The following FLI1 variants were observed in gnomAD, a reference collection of about 807,000 sequenced individuals.
The protein encoded by FLI1 is Friend leukemia integration 1 transcription factor.
A neutral mutation model predicts 53.1 loss-of-function variants in FLI1; 13 were observed. That is an observed-to-expected ratio of 0.24 (90% CI 0.16 to 0.39). FLI1 has a LOEUF of 0.39. Among genes scored for constraint, FLI1 ranks in the 10% least tolerant of loss-of-function variants. FLI1 has a pLI of 1.00. For synonymous variants in FLI1, 244 were observed against 236.7 expected (o/e 1.03, Z -0.28); for missense variants, 424 against 600.5 (o/e 0.71, Z 3.07).
At chr11:128,793,671 C>T (rs959373247) in intron 5 of FLI1, among the ~76,000 whole-genome samples, 2 of 152,260 alleles carry the variant, frequency 1.3e-5, no homozygotes, top group African/African-American at 4.8e-5. Flanking sequence ...TTTGGTCTTT[C>T]TGCTTATCAG....
chr11:128,788,463 T>C (rs903670909), intron 5 of FLI1, among the ~76,000 whole-genome samples: 1 of 152,042 alleles, frequency 6.6e-6, no homozygotes, highest in Non-Finnish European at 1.5e-5. Flanking sequence ...AGTGAGACTC[T>C]GTCTCAAAAA....
Position 128,741,583 on chromosome 11 carries a change from T to A in FLI1, c.19-16532T>A, listed in dbSNP as rs180674712. On this transcript the variant is annotated intron_variant, in intron 1 of 8. Transcript: ENST00000527786. ...GTGAGAGCCACAACAATGGAGAAAG[T>A]GCCACAGTCAAGCCTTTGTGTCCCC... 2.9e-4 allele frequency among the ~76,000 whole-genome samples: 44 copies of A among 152,272 alleles called. No individual in the cohort carries two copies. The South Asian group carries it at 9.1e-3, about 32-fold the overall frequency.
upstream of FLI1, among the ~76,000 whole-genome samples, chr11:128,689,721 C>T (rs1376044484): frequency 6.6e-6 from 1 of 152,220 alleles, no homozygotes; most frequent in African/African-American, 2.4e-5. Context: ...CGCCACTGGG[C>T]GAGGGTCTGG....
At chr11:128,785,174 G>C (rs1364116817) in intron 5 of FLI1, among the ~76,000 whole-genome samples, 1 of 152,018 alleles carries the variant, frequency 6.6e-6, no homozygotes, top group Non-Finnish European at 1.5e-5. Context: ...GATCCAGCTA[G>C]AGCAGTTATG....
intron 1 of FLI1, among the ~76,000 whole-genome samples, chr11:128,711,246 G>C (rs1938773456): frequency 6.6e-6 from 1 of 152,186 alleles, no homozygotes; most frequent in Non-Finnish European, 1.5e-5. Context: ...CATCATTCAA[G>C]TTAAAAACAT....
intron 1 of FLI1, among the ~76,000 whole-genome samples, chr11:128,749,418 G>A (rs1264264111): frequency 6.6e-6 from 1 of 152,184 alleles, no homozygotes; most frequent in Non-Finnish European, 1.5e-5. Context: ...TTCCTCTCCT[G>A]CGGGCCTCTC....
intron 4 of FLI1, 112 bp from the exon 5 acceptor site, chr11:128,781,846 C>A: frequency 1.2e-6 from 1 of 825,742 alleles, no homozygotes; most frequent in South Asian, 1.4e-5. Flanking sequence ...GTCCTCTGTC[C>A]CTCTTCCCCT....
intron 5 of FLI1, among the ~76,000 whole-genome samples, chr11:128,786,777 C>T (rs1942098756): frequency 6.6e-6 from 1 of 152,216 alleles, no homozygotes; most frequent in South Asian, 2.1e-4. Context: ...CATGCCTAAG[C>T]CCTCATTTCC....
rs541474242 is a variant in FLI1 at position 128,782,364 on chromosome 11, G to C, written c.655+341G>C. 1.3e-3 allele frequency among the ~76,000 whole-genome samples: 205 copies of C among 152,274 alleles called. 1 individual carries two copies. Among genetic ancestry groups the C allele is most frequent in the Non-Finnish European group, 2.0e-3 (138 of 68,016 alleles). ...AAAATAATGAAATGAAGAGTTCAAGGATTCCAGCATGTCTACCTTTAAAGG... is the reference window on the plus strand; with the variant it reads ...AAAATAATGAAATGAAGAGTTCAAGCATTCCAGCATGTCTACCTTTAAAGG... On this transcript the variant is annotated intron_variant, in intron 5 of 8. Transcript: ENST00000527786.
chr11:128,758,872 C>T (rs1296377641), intron 2 of FLI1, among the ~76,000 whole-genome samples: 1 of 152,160 alleles, frequency 6.6e-6, no homozygotes, highest in African/African-American at 2.4e-5. Flanking sequence ...TCGGGCTTTG[C>T]TTGTAGAAAT....
intron 1 of FLI1, among the ~76,000 whole-genome samples, chr11:128,719,118 C>T (rs761637014): frequency 2.6e-5 from 4 of 151,978 alleles, no homozygotes; most frequent in Non-Finnish European, 5.9e-5. Context: ...CTCACTACAC[C>T]CACAGTGGCC....
At position 128,770,686 on chromosome 11, in the gene FLI1, T is replaced by C. The variant is rs141484378; in HGVS notation, c.386-2096T>C. ...AAAATATATGGTGTAAAATTGAATT[T>C]GAGGCCTTGGATACTAAAAGTGAGG... On this transcript the variant is annotated intron_variant, in intron 3 of 8. Coordinates refer to ENST00000527786, the MANE Select transcript of FLI1 (RefSeq NM_002017.5). Among the ~76,000 whole-genome samples, 881 of 152,330 alleles carry C rather than the reference T, an allele frequency of 5.8e-3. 12 individuals carry two copies. The highest frequency in any genetic ancestry group is 0.02 in the African/African-American group (843 of 41,568).
At chr11:128,802,496 T>G (rs1232427756) in intron 5 of FLI1, among the ~76,000 whole-genome samples, 1 of 152,208 alleles carries the variant, frequency 6.6e-6, no homozygotes, top group Admixed American at 6.5e-5. Flanking sequence ...GACACCAGCT[T>G]AGGGCATGGC....
chr11:128,812,592 T>G lies in FLI1; in HGVS notation c.*1604T>G, dbSNP rs1364733303. 3.6e-5 allele frequency: 8 copies of G among 224,034 alleles called. No homozygotes were observed. The highest frequency in any genetic ancestry group is 1.1e-4 in the Admixed American group (2 of 17,460). 13.9% of individuals were successfully genotyped at this position (224,034 alleles called of 1,614,324 possible). ...TTGTTGTTGATGATGTTTGTAGTGT[T>G]TTTGTGTGTGTTATTTAAATCTTCC... On this transcript the variant is annotated 3_prime_UTR_variant, in exon 9 of 9. Coordinates refer to ENST00000527786, the MANE Select transcript of FLI1 (RefSeq NM_002017.5).
In FLI1 at chr11:128,775,923, G is replaced by A. The variant is rs561516468; in HGVS notation, c.589+2938G>A. Among the ~76,000 whole-genome samples the A allele has an allele frequency of 1.4e-4, 22 of 152,314 alleles. No individual in the cohort carries two copies. In the South Asian group the frequency reaches 2.5e-3, roughly 17 times the overall value. On this transcript the variant is annotated intron_variant, in intron 4 of 8. Transcript: ENST00000527786. ...GTTGATAGAGCAGAATCGGGGACCT[G>A]AGACTGTGGCTGGTTGGAAGTCAGT... is the stretch of plus-strand genomic sequence containing the variant.
In FLI1 at chr11:128,809,161, G is replaced by T. The variant is rs762785401; in HGVS notation, c.786G>T (p.Pro262=). The stretch of plus-strand genomic sequence containing the variant: ...TTTCCTTTTTTATTTCCTTAGATCC[G>T]TATCAGATCCTGGGCCCGACCAGCA... ...KNTEQRPQPD[P]YQILGPTSSR... Residue 262 remains proline (P), a synonymous_variant, in exon 8 of 9, where the codon CCG becomes CCT. Coordinates refer to ENST00000527786, the MANE Select transcript of FLI1 (RefSeq NM_002017.5). 2 of 1,613,416 alleles carry T rather than the reference G, an allele frequency of 1.2e-6. No homozygotes were observed. Among genetic ancestry groups the T allele is most frequent in the Non-Finnish European group, 1.7e-6 (2 of 1,179,546 alleles).
At chr11:128,741,957 C>T (rs1940158218) in intron 1 of FLI1, among the ~76,000 whole-genome samples, 3 of 152,196 alleles carry the variant, frequency 2.0e-5, no homozygotes, top group Admixed American at 1.3e-4. Flanking sequence ...TTTGTAAATG[C>T]CATGTGCTTT....
In FLI1 at chr11:128,777,257, G is replaced by A. The variant is rs1469822839; in HGVS notation, c.589+4272G>A. 7.2e-5 allele frequency among the ~76,000 whole-genome samples: 11 copies of A among 152,310 alleles called. No homozygotes were observed. In the East Asian group the frequency reaches 1.2e-3, roughly 16 times the overall value. The stretch of plus-strand genomic sequence containing the variant: ...AGGCTGGGAGCCCCGAGGCCCCGGG[G>A]GAGGTGGGGAGGCAGAAAGAAAAAG... On this transcript the variant is annotated intron_variant, in intron 4 of 8. Coordinates refer to ENST00000527786, the MANE Select transcript of FLI1 (RefSeq NM_002017.5).
intron 2 of FLI1, among the ~76,000 whole-genome samples, chr11:128,766,589 T>C (rs73573740): frequency 0.056 from 8,514 of 152,028 alleles, 778 homozygotes; most frequent in African/African-American, 0.19. Flanking sequence ...TAATTTTCTT[T>C]ATTGAATGTG....
Sources: gnomAD v4.1 joint callset for allele counts (sites outside exome capture counted in the v4.1 genomes callset) on GRCh38, gnomAD v4.1.1 for gene constraint, MANE v1.5 for transcripts, NCBI Gene and HGNC (gene_info 2026-07-23, HGNC 2026-07-21) for gene names.